The following ZNF385A variants were observed in gnomAD, a reference collection of about 807,000 sequenced individuals.
The protein encoded by ZNF385A is zinc finger protein 385A.
In ZNF385A, 14 loss-of-function variants were observed where a neutral mutation model predicts 32.1. That is an observed-to-expected ratio of 0.44 (90% CI 0.29 to 0.68). The LOEUF is 0.68. ZNF385A is among the 30% of genes least tolerant of loss of function. The pLI is 0.14. For missense variants in ZNF385A, 406 were observed against 478.4 expected (o/e 0.85, Z 1.41); for synonymous variants, 197 against 202.7 (o/e 0.97, Z 0.24).
chr12:54,379,494 C>T (rs1270031349), intron 1 of ZNF385A, among the ~76,000 whole-genome samples: 4 of 152,032 alleles, frequency 2.6e-5, no homozygotes, highest in Non-Finnish European at 4.4e-5. Flanking sequence ...GACATTTCTC[C>T]TTTCTTTCAC....
upstream of ZNF385A, among the ~76,000 whole-genome samples, chr12:54,387,797 G>C (rs1328002790): frequency 6.6e-6 from 1 of 152,220 alleles, no homozygotes; most frequent in African/African-American, 2.4e-5. Flanking sequence ...CTCAGAAGGA[G>C]AGTTATTTGG....
chr12:54,382,842 TAA>T (rs545274226), intron 1 of ZNF385A, among the ~76,000 whole-genome samples: 1 of 151,266 alleles, frequency 6.6e-6, no homozygotes, highest in African/African-American at 2.4e-5. Context: ...CTTTTTTTTT[TAA>T]AAAAAATATT....
At chr12:54,371,191 G>A in intron 4 of ZNF385A, 95 bp from the exon 5 acceptor site, 3 of 1,391,890 alleles carry the variant, frequency 2.2e-6, no homozygotes, top group Non-Finnish European at 9.7e-7. Flanking sequence ...CAATATGAGG[G>A]GGAAGAGGGT....
At chr12:54,386,850 A>C (rs915732691), upstream of ZNF385A, among the ~76,000 whole-genome samples, 2 of 152,240 alleles carry the variant, frequency 1.3e-5, no homozygotes, top group South Asian at 2.1e-4. Context: ...AATGAATTCC[A>C]AGTATTATCA....
At chr12:54,382,342 G>A (rs927300257) in intron 1 of ZNF385A, among the ~76,000 whole-genome samples, 5 of 152,066 alleles carry the variant, frequency 3.3e-5, no homozygotes, top group African/African-American at 9.7e-5. Context: ...CCAAAGTGCT[G>A]GGATTACAAG....
At chr12:54,373,882 G>C (rs1250348535) in intron 3 of ZNF385A, 91 bp downstream of exon 3, 3 of 1,348,894 alleles carry the variant, frequency 2.2e-6, no homozygotes, top group Non-Finnish European at 2.9e-6. Context: ...CTGAGGAAGA[G>C]AGAGATGGAA....
chr12:54,380,678 G>A (rs1272527334), intron 1 of ZNF385A, among the ~76,000 whole-genome samples: 4 of 152,132 alleles, frequency 2.6e-5, no homozygotes, highest in African/African-American at 7.2e-5. Flanking sequence ...AATTCTGCAC[G>A]TTCCCGAAGG....
chr12:54,375,662 C>T (rs898355227), intron 2 of ZNF385A, among the ~76,000 whole-genome samples, 182 bp downstream of exon 2: 3 of 152,280 alleles, frequency 2.0e-5, no homozygotes, highest in Middle Eastern at 3.4e-3. Context: ...TGTGTCTCTC[C>T]AGTGCCTTCC....
chr12:54,379,124 G>T (rs1247501929), intron 1 of ZNF385A: 1 of 981,448 alleles, frequency 1.0e-6, no homozygotes, highest in Non-Finnish European at 1.2e-6. Flanking sequence ...CGGGCTGGGG[G>T]GCCGCGCCTG....
chr12:54,388,643 G>C (rs1955556601), upstream of ZNF385A, among the ~76,000 whole-genome samples: 1 of 152,208 alleles, frequency 6.6e-6, no homozygotes, highest in African/African-American at 2.4e-5. Context: ...TAGGGCCCAA[G>C]GTGGTAAAAA....
chr12:54,371,955 C>G (rs1349276290), intron 3 of ZNF385A, among the ~76,000 whole-genome samples: 3 of 152,196 alleles, frequency 2.0e-5, no homozygotes, highest in African/African-American at 7.2e-5. Context: ...AGGGGTCCAG[C>G]CTCACCAGCC....
At position 54,373,984 on chromosome 12, in the gene ZNF385A, G is replaced by C; in HGVS notation, c.350C>G (p.Ala117Gly). The change falls in exon 3 of 7, where the codon GCA becomes GGA. Residue 117 changes from alanine to glycine, a missense_variant. Coordinates refer to ENST00000394313, the MANE Select transcript of ZNF385A (RefSeq NM_015481.3). ...GGATTCAGACACACCTGGACGGGGT[G>C]CTACACCATCCCCATTTGTTGGGGT... Reference protein sequence around the residue: ...GSTPTNGDGVAPRPVSMENGL... With the variant: ...GSTPTNGDGVGPRPVSMENGL... 5.1e-6 allele frequency: 8 copies of C among 1,562,982 alleles called. No homozygotes were observed. Among genetic ancestry groups the C allele is most frequent in the Non-Finnish European group, 6.1e-6 (7 of 1,151,922 alleles).
upstream of ZNF385A, among the ~76,000 whole-genome samples, chr12:54,386,042 G>A (rs1350547119): frequency 6.6e-6 from 1 of 152,036 alleles, no homozygotes; most frequent in Non-Finnish European, 1.5e-5. Flanking sequence ...TGGGAGTTTG[G>A]GCTTCAGAAT....
intron 4 of ZNF385A, among the ~76,000 whole-genome samples, 158 bp downstream of exon 4, chr12:54,371,315 G>A (rs772392470): frequency 1.3e-5 from 2 of 152,154 alleles, no homozygotes; most frequent in Admixed American, 1.3e-4. Flanking sequence ...AGGAAGTAAA[G>A]GGCTAAGGAA....
At chr12:54,371,171 T>C (rs1954529855) in intron 4 of ZNF385A, 75 bp from the exon 5 acceptor site, 1 of 1,483,792 alleles carries the variant, frequency 6.7e-7, no homozygotes, top group East Asian at 2.3e-5. Context: ...AGAATGCACA[T>C]TCCCAGGTAC....
chr12:54,373,936 G>T (rs1403627626), intron 3 of ZNF385A, 37 bp downstream of exon 3: 3 of 1,433,768 alleles, frequency 2.1e-6, no homozygotes, highest in Admixed American at 4.7e-5. Context: ...AGAGAAGACA[G>T]AGATCAGTTG....
chr12:54,384,312 G>C lies in ZNF385A; in HGVS notation c.87+116C>G, dbSNP rs563434710. 1.0e-5 allele frequency: 13 copies of C among 1,239,776 alleles called. No individual in the cohort carries two copies. The South Asian group carries it at 1.9e-4, about 18-fold the overall frequency. 76.8% of individuals were successfully genotyped at this position (1,239,776 alleles called of 1,614,324 possible). The stretch of plus-strand genomic sequence containing the variant: ...CTCAAAATTAACTAGAATTAAGGAA[G>C]ATGGGGTCATAAGAGGAGATAAGGA... On this transcript the variant is annotated intron_variant, in intron 1 of 6. Transcript: ENST00000394313.
Position 54,371,729 on chromosome 12 carries a change from A to G in ZNF385A, c.362-14T>C, listed in dbSNP as rs758330167. 5 of 1,610,814 alleles carry G rather than the reference A, an allele frequency of 3.1e-6. No homozygotes were observed. Among genetic ancestry groups the G allele is most frequent in the Non-Finnish European group, 4.2e-6 (5 of 1,179,104 alleles). ...TCTCCATGGAAACTGTTGTTGGGGG[A>G]GAAACATGGGGATCACCCTAGATGG... On this transcript the variant is annotated splice_polypyrimidine_tract_variant and intron_variant, in intron 3 of 6. Transcript: ENST00000394313.
At chr12:54,379,695 C>T (rs1955045136) in intron 1 of ZNF385A, among the ~76,000 whole-genome samples, 1 of 152,168 alleles carries the variant, frequency 6.6e-6, no homozygotes, top group African/African-American at 2.4e-5. Context: ...TCAGAGACTC[C>T]TCCAAATCAT....
Sources: allele counts gnomAD v4.1 joint callset (sites outside exome capture counted in the v4.1 genomes callset), GRCh38; gene constraint gnomAD v4.1.1; transcripts MANE v1.5; gene names NCBI Gene and HGNC (gene_info 2026-07-23, HGNC 2026-07-21).